Variants in CDAN1 observed in about 807,000 individuals in gnomAD.
CDAN1 encodes codanin 1, also known as codanin-1.
In CDAN1, 107 loss-of-function variants were observed where a neutral mutation model predicts 139.8. The observed-to-expected ratio is 0.77, with a 90% confidence interval of 0.65 to 0.90. CDAN1 has a LOEUF of 0.90. Ranked by LOEUF, CDAN1 falls within the 40% of genes least tolerant of loss-of-function variation. The probability of loss-of-function intolerance (pLI) is 0.00; values close to 1 mark genes in which losing one functional copy is unlikely to be tolerated. For missense variants in CDAN1, 1,667 were observed against 1,575.7 expected (o/e 1.06, Z -0.98); for synonymous variants, 776 against 660.6 (o/e 1.17, Z -2.68).
At chr15:42,728,318 G>A in intron 20 of CDAN1, 51 bp from the exon 21 acceptor site, 6 of 1,589,662 alleles carry the variant, frequency 3.8e-6, no homozygotes, top group Non-Finnish European at 5.2e-6. Context: ...CAGCCTGGCT[G>A]CAGAAGTAAA....
chr15:42,735,942 A>C lies in CDAN1; in HGVS notation c.706T>G (p.Trp236Gly), dbSNP rs2061681505. Reference sequence around the variant, plus strand: ...CACCCTGGGGGAAGGCCAAGGCCCCAAGGGCTAGTGTCCAGGGCTGAGGGT... The same window carrying C: ...CACCCTGGGGGAAGGCCAAGGCCCCCAGGGCTAGTGTCCAGGGCTGAGGGT... ...SQPSALDTSP[W>G]GLGLPPGCRS... The change falls in exon 3 of 28, where the codon TGG (tryptophan) becomes GGG (glycine). Residue 236 changes from tryptophan to glycine, a missense_variant. This residue lies in a region of CDAN1 where 487 missense variants were observed against 422.2 expected (regional missense o/e 1.15). Transcript: ENST00000356231. The C allele has an allele frequency of 1.2e-6, 2 of 1,614,148 alleles. No individual in the cohort carries two copies. The highest frequency in any genetic ancestry group is 1.7e-6 in the Non-Finnish European group (2 of 1,180,006).
intron 5 of CDAN1, 35 bp downstream of exon 5, chr15:42,735,226 G>A (rs778944070): frequency 1.2e-6 from 2 of 1,601,362 alleles, no homozygotes; most frequent in African/African-American, 1.3e-5. Context: ...CCCGTTTCTA[G>A]ACCCCATGTC....
At position 42,731,943 on chromosome 15, in the gene CDAN1, T is replaced by TTAGA. The variant is rs1365167423; in HGVS notation, c.1534-122_1534-119dup. On this transcript the variant is annotated intron_variant, in intron 10 of 27. Transcript: ENST00000356231. ...AGGAATGCCAACTGTGTCAAGTGCT[T>TTAGA]TAGATAGATTTTCTGAGATGTGAAT... 1.8e-5 allele frequency: 16 copies of TTAGA among 909,296 alleles called. No individual in the cohort carries two copies. In the South Asian group the frequency reaches 1.8e-4, roughly 10 times the overall value. 56.3% of individuals were successfully genotyped at this position (909,296 alleles called of 1,614,324 possible). A position where few individuals can be genotyped will look rare whatever the true frequency, so the allele number is the denominator to read the frequency against.
Position 42,734,010 on chromosome 15 carries a change from G to C in CDAN1, c.1295C>G (p.Ser432Cys). ...ACGATTGTCAGTCTCTGGCTGAAAGGAGACAGCTTGAGTAGAGGGAGGCAT... is the reference window on the plus strand; with the variant it reads ...ACGATTGTCAGTCTCTGGCTGAAAGCAGACAGCTTGAGTAGAGGGAGGCAT... Reference protein sequence around the residue: ...LVMPPSTQAVSFQPETDNRAN... With the variant: ...LVMPPSTQAVCFQPETDNRAN... The change falls in exon 8 of 28, where the codon TCC becomes TGC. Residue 432 changes from serine to cysteine, a missense_variant. Ser to Cys is a moderately radical substitution (Grantham distance 112, BLOSUM62 -1). This residue lies in a region of CDAN1 where 244 missense variants were observed against 309.4 expected (regional missense o/e 0.79). Coordinates refer to ENST00000356231, the MANE Select transcript of CDAN1 (RefSeq NM_138477.4). The C allele has an allele frequency of 6.2e-7, 1 of 1,614,168 alleles. No individual in the cohort carries two copies.
rs1051388342 is a variant in CDAN1, at chr15:42,736,597, C to T, written c.274G>A (p.Gly92Ser). 1.7e-5 allele frequency: 25 copies of T among 1,501,936 alleles called. No individual in the cohort carries two copies. The African/African-American group carries it at 2.6e-4, about 16-fold the overall frequency. 93.0% of individuals were successfully genotyped at this position (1,501,936 alleles called of 1,614,324 possible). Residue 92 changes from glycine (G) to serine (S), a missense_variant, in exon 2 of 28, where the codon GGT (glycine) becomes AGT (serine). Transcript: ENST00000356231. ...LPGRPGGPPR[G>S]SRGARSQLFP... The stretch of plus-strand genomic sequence containing the variant: ...AGCTGGCTGCGCGCCCCGCGGCTAC[C>T]CCGCGGCGGGCCTCCCGGCCTCCCT...
intron 14 of CDAN1, 142 bp from the exon 15 acceptor site, chr15:42,730,357 G>A (rs1470810211): frequency 2.9e-5 from 26 of 909,020 alleles, no homozygotes; most frequent in Non-Finnish European, 3.9e-5. Flanking sequence ...CCCCAGCCCC[G>A]CCTCCTGCAT....
intron 14 of CDAN1, 120 bp downstream of exon 14, chr15:42,730,478 G>A: frequency 8.1e-7 from 1 of 1,233,624 alleles, no homozygotes; most frequent in East Asian, 2.5e-5. Flanking sequence ...CCAGGGCTCA[G>A]TTATGGCCAG....
chr15:42,728,759 C>T lies in CDAN1; in HGVS notation c.2697G>A (p.Glu899=), dbSNP rs773540721. ...CTTCCTCTCCCTGTGTCACCAGCTGCTCTTGGAGAAGTGACTCTGCCTGGC... is the reference window on the plus strand; with the variant it reads ...CTTCCTCTCCCTGTGTCACCAGCTGTTCTTGGAGAAGTGACTCTGCCTGGC... ...LVRQAESLLQ[E]QLVTQGEEGG... is the part of the protein sequence containing the mutation. Residue 899 remains glutamate, a synonymous_variant, in exon 20 of 28, where the codon GAG becomes GAA. Coordinates refer to ENST00000356231, the MANE Select transcript of CDAN1 (RefSeq NM_138477.4). The T allele has an allele frequency of 1.9e-6, 3 of 1,614,208 alleles. No individual in the cohort carries two copies. Among genetic ancestry groups the T allele is most frequent in the Non-Finnish European group, 2.5e-6 (3 of 1,180,032 alleles).
Position 42,735,493 on chromosome 15 carries a change from C to T in CDAN1, c.943+17G>A. ...TCTACAAGTGTCTCCACTCCCGCTC[C>T]CTCCGCTCTCACTCACCAGCAATGC... On this transcript the variant is annotated intron_variant, in intron 4 of 27. Transcript: ENST00000356231. 1.2e-6 allele frequency: 2 copies of T among 1,614,178 alleles called. No homozygotes were observed. Among genetic ancestry groups the T allele is most frequent in the African/African-American group, 2.7e-5 (2 of 75,056 alleles).
chr15:42,727,582 G>T, intron 23 of CDAN1, 39 bp downstream of exon 23: 1 of 1,493,916 alleles, frequency 6.7e-7, no homozygotes, highest in Non-Finnish European at 9.0e-7. Flanking sequence ...GCAGGGGGGT[G>T]GGAGCAGGGA....
chr15:42,731,363 C>T, intron 11 of CDAN1, 32 bp from the exon 12 acceptor site: 1 of 1,612,226 alleles, frequency 6.2e-7, no homozygotes, highest in Non-Finnish European at 8.5e-7. Flanking sequence ...GGCATAAGCA[C>T]TGGAAGAGGT....
chr15:42,732,967 G>T, intron 9 of CDAN1, 130 bp downstream of exon 9: 1 of 771,034 alleles, frequency 1.3e-6, no homozygotes, highest in African/African-American at 1.7e-5. Context: ...AAGAGATTTC[G>T]GAGGATAGTA....
chr15:42,733,271 C>T, intron 8 of CDAN1, 85 bp from the exon 9 acceptor site: 2 of 1,142,396 alleles, frequency 1.8e-6, no homozygotes, highest in Non-Finnish European at 2.6e-6. Flanking sequence ...CGTAGCCCAC[C>T]CACCACCTTT....
Position 42,731,061 on chromosome 15 carries a change from T to C in CDAN1, c.1871A>G (p.Lys624Arg), listed in dbSNP as rs1381102058. 1.2e-6 allele frequency: 2 copies of C among 1,614,176 alleles called. No homozygotes were observed. The highest frequency in any genetic ancestry group is 1.7e-6 in the Non-Finnish European group (2 of 1,180,024). ...GCTAAGAAGCACCACAGCAAATTGC[T>C]TCCGCTCACCCTGCATGGAATCAAG... is the stretch of plus-strand genomic sequence containing the variant. ...ESDVDWQGER[K>R]QFAVVLLSLR... Residue 624 changes from lysine to arginine, a missense_variant, in exon 13 of 28, where the codon AAG becomes AGG. Transcript: ENST00000356231.
In CDAN1 at chr15:42,730,217, T is replaced by C; in HGVS notation, c.2175-2A>G. On this transcript the variant is annotated splice_acceptor_variant, in intron 14 of 27. Coordinates refer to ENST00000356231, the MANE Select transcript of CDAN1 (RefSeq NM_138477.4). LOFTEE classifies it high-confidence loss of function. ...CTCTCCTGCGACAACACCAAGCTCC[T>C]GAAACATCAATGGGCAGTACACGGG... is the stretch of plus-strand genomic sequence containing the variant. 6.2e-7 allele frequency: 1 copy of C among 1,613,660 alleles called. No homozygotes were observed. The highest frequency in any genetic ancestry group is 8.5e-7 in the Non-Finnish European group (1 of 1,179,566).
intron 27 of CDAN1, chr15:42,724,876 T>A: frequency 1.6e-6 from 1 of 607,294 alleles, no homozygotes; most frequent in Non-Finnish European, 2.9e-6. Context: ...TTGAAATTAT[T>A]ATTCCCGTTA....
At position 42,729,855 on chromosome 15, in the gene CDAN1, G is replaced by C. The variant is rs760936996; in HGVS notation, c.2293C>G (p.Leu765Val). Reference protein sequence around the residue: ...IPTVPEDLFFLEEGPSYAFEV... With the variant: ...IPTVPEDLFFVEEGPSYAFEV... Reference sequence around the variant, plus strand: ...AAGGCATATGAGGGACCCTCTTCCAGAAAGAACAAGTCCTCAGGGACTGTG... The same window carrying C: ...AAGGCATATGAGGGACCCTCTTCCACAAAGAACAAGTCCTCAGGGACTGTG... The change falls in exon 16 of 28, where the codon CTG (leucine) becomes GTG (valine). Residue 765 changes from leucine (L) to valine (V), a missense_variant. This residue lies in a region of CDAN1 where 936 missense variants were observed against 844.1 expected (regional missense o/e 1.11). Transcript: ENST00000356231. The C allele has an allele frequency of 1.2e-6, 2 of 1,613,824 alleles. No homozygotes were observed. Among genetic ancestry groups the C allele is most frequent in the Admixed American group, 1.7e-5 (1 of 60,018 alleles).
intron 15 of CDAN1, 34 bp from the exon 16 acceptor site, chr15:42,729,919 G>C (rs779301406): frequency 6.4e-7 from 1 of 1,560,976 alleles, no homozygotes; most frequent in African/African-American, 1.4e-5. Flanking sequence ...GTCAACTTCA[G>C]AGACCCCCAC....
Position 42,735,647 on chromosome 15 carries a change from G to T in CDAN1, c.806C>A (p.Thr269Asn), listed in dbSNP as rs531376075. The T allele has an allele frequency of 7.4e-6, 12 of 1,614,008 alleles. No individual in the cohort carries two copies. The highest frequency in any genetic ancestry group is 1.0e-5 in the Non-Finnish European group (12 of 1,180,038). Reference sequence around the variant, plus strand: ...CGACCCCAATTCTGGGGTGGGACAGGTGGGGGTAGGTGACTGCTGCAGCTG... The same window carrying T: ...CGACCCCAATTCTGGGGTGGGACAGTTGGGGGTAGGTGACTGCTGCAGCTG... ...SKQLQQSPTP[T>N]CPTPELGSPL... The change falls in exon 4 of 28, where the codon ACC becomes AAC. Residue 269 changes from threonine to asparagine, a missense_variant. Transcript: ENST00000356231.
Sources: gnomAD v4.1 joint callset for allele counts on GRCh38, gnomAD v4.1.1 for gene constraint, gnomAD v4.1.1 regional missense constraint, MANE v1.5 for transcripts, NCBI Gene and HGNC (gene_info 2026-07-23, HGNC 2026-07-21) for gene names.